Variants in H2AZ1 observed in about 807,000 individuals in gnomAD.
H2AZ1 encodes the protein H2A.Z variant histone 1, also known as histone H2A.Z.
In H2AZ1, 3 loss-of-function variants were observed where a neutral mutation model predicts 16.6. The ratio of observed to expected loss-of-function variants is 0.18; its 90% CI spans 0.08 to 0.47. H2AZ1 has a LOEUF of 0.47. Ranked by LOEUF, H2AZ1 falls within the 20% of genes least tolerant of loss-of-function variation. H2AZ1 has a pLI of 0.98. For missense variants in H2AZ1, 27 were observed against 163.6 expected (o/e 0.17, Z 4.55); for synonymous variants, 78 against 60.7 (o/e 1.28, Z -1.32).
intron 4 of H2AZ1, 106 bp downstream of exon 4, chr4:99,948,705 A>C: frequency 6.8e-7 from 1 of 1,477,444 alleles, no homozygotes; most frequent in Admixed American, 2.3e-5. Flanking sequence ...CCATACTTCC[A>C]TCATTGAAAA....
At chr4:99,949,802 C>T (rs1727234496) in intron 1 of H2AZ1, 62 bp from the exon 2 acceptor site, 15 of 1,325,202 alleles carry the variant, frequency 1.1e-5, no homozygotes, top group Admixed American at 4.2e-5. Flanking sequence ...ACCAAGGCGG[C>T]GCGCCCATCC....
At position 99,948,438 on chromosome 4, in the gene H2AZ1, G is replaced by C; in HGVS notation, c.*24C>G. ...GCTGTTAGAGTATTTAGAGTCCTGA[G>C]ATAACAAGGAATCCAGGCATCCTTT... On this transcript the variant is annotated 3_prime_UTR_variant, in exon 5 of 5. Transcript: ENST00000296417. The C allele has an allele frequency of 2.4e-6, 3 of 1,251,076 alleles. No homozygotes were observed. 77.5% of individuals were successfully genotyped at this position (1,251,076 alleles called of 1,614,324 possible).
In H2AZ1 at chr4:99,948,456, C is replaced by T; in HGVS notation, c.*6G>A. The T allele has an allele frequency of 2.8e-6, 4 of 1,445,838 alleles. No homozygotes were observed. Among genetic ancestry groups the T allele is most frequent in the East Asian group, 2.3e-5 (1 of 44,034 alleles). 89.6% of individuals were successfully genotyped at this position (1,445,838 alleles called of 1,614,324 possible). A position where few individuals can be genotyped will look rare whatever the true frequency, so the allele number is the denominator to read the frequency against. The stretch of plus-strand genomic sequence containing the variant: ...GTCCTGAGATAACAAGGAATCCAGG[C>T]ATCCTTTAGACAGTCTTCTGTTGTC... On this transcript the variant is annotated 3_prime_UTR_variant, in exon 5 of 5. Transcript: ENST00000296417.
chr4:99,949,948 G>A (rs1727239892), intron 1 of H2AZ1: 1 of 216,380 alleles, frequency 4.6e-6, no homozygotes, highest in Non-Finnish European at 8.1e-6. Context: ...TCCGCCCGCC[G>A]GCCCCCAGCG....
rs1727207099 is a variant in H2AZ1 at position 99,949,068 on chromosome 4, T to C, written c.196-128A>G. 4.1e-6 allele frequency: 3 copies of C among 723,562 alleles called. No individual in the cohort carries two copies. The Admixed American group carries it at 6.9e-5, about 17-fold the overall frequency. 44.8% of individuals were successfully genotyped at this position (723,562 alleles called of 1,614,324 possible). A position where few individuals can be genotyped will look rare whatever the true frequency, so the allele number is the denominator to read the frequency against. ...TCCTCACTATCTGACTGGCAAGATA[T>C]ACAGGGGGCACGCAATTTTAATTCC... On this transcript the variant is annotated intron_variant, in intron 3 of 4. Transcript: ENST00000296417.
At chr4:99,949,769 G>C (rs374372807) in intron 1 of H2AZ1, 29 bp from the exon 2 acceptor site, 1 of 1,566,428 alleles carries the variant, frequency 6.4e-7, no homozygotes, top group Non-Finnish European at 8.7e-7. Flanking sequence ...CGCGAGCGGA[G>C]GAGGAACGGA....
At position 99,950,269 on chromosome 4, in the gene H2AZ1, A is replaced by G; in HGVS notation, c.-99T>C. 8.7e-7 allele frequency: 1 copy of G among 1,145,908 alleles called. No homozygotes were observed. Among genetic ancestry groups the G allele is most frequent in the Non-Finnish European group, 1.3e-6 (1 of 774,546 alleles). 71.0% of individuals were successfully genotyped at this position (1,145,908 alleles called of 1,614,324 possible). Reference sequence around the variant, plus strand: ...CTACTCCTTCGTCGCACCGCGATTCAAACTGCGCTGTCTCCCGCCTTCCCT... The same window carrying G: ...CTACTCCTTCGTCGCACCGCGATTCGAACTGCGCTGTCTCCCGCCTTCCCT... On this transcript the variant is annotated 5_prime_UTR_variant, in exon 1 of 5. Coordinates refer to ENST00000296417, the MANE Select transcript of H2AZ1 (RefSeq NM_002106.4).
At position 99,950,218 on chromosome 4, in the gene H2AZ1, T is replaced by A. The variant is rs1297595979; in HGVS notation, c.-48A>T. The A allele has an allele frequency of 6.3e-7, 1 of 1,595,568 alleles. No homozygotes were observed. Among genetic ancestry groups the A allele is most frequent in the East Asian group, 2.2e-5 (1 of 44,734 alleles). ...GCAAGCAAGGCAGAGAAAAGGCTAATCGGACCCACGGTGAGATCCCACCAC... is the reference window on the plus strand; with the variant it reads ...GCAAGCAAGGCAGAGAAAAGGCTAAACGGACCCACGGTGAGATCCCACCAC... On this transcript the variant is annotated 5_prime_UTR_variant, in exon 1 of 5. Transcript: ENST00000296417.
At chr4:99,949,771 A>C (rs778972041) in intron 1 of H2AZ1, 31 bp from the exon 2 acceptor site, 2 of 1,562,868 alleles carry the variant, frequency 1.3e-6, no homozygotes, top group Non-Finnish European at 1.7e-6. Flanking sequence ...CGAGCGGAGG[A>C]GGAACGGAGA....
chr4:99,949,484 A>G (rs1727224534), intron 2 of H2AZ1, 98 bp from the exon 3 acceptor site: 1 of 987,088 alleles, frequency 1.0e-6, no homozygotes. Flanking sequence ...GGGCGCAGCA[A>G]CGCGTCCCGA....
At chr4:99,948,619 T>C in intron 4 of H2AZ1, 96 bp from the exon 5 acceptor site, 2 of 1,538,820 alleles carry the variant, frequency 1.3e-6, no homozygotes, top group South Asian at 1.2e-5. Flanking sequence ...TTGAAAGGTA[T>C]CTTTAAAAAC....
At chr4:99,949,990 C>T (rs1489374291) in intron 1 of H2AZ1, 178 bp downstream of exon 1, 1 of 427,224 alleles carries the variant, frequency 2.3e-6, no homozygotes, top group Non-Finnish European at 3.9e-6. Context: ...CGTCGCCGCC[C>T]GCCGCGAGAT....
chr4:99,949,100 A>T (rs1727208276), intron 3 of H2AZ1, 160 bp from the exon 4 acceptor site: 1 of 675,502 alleles, frequency 1.5e-6, no homozygotes, highest in Admixed American at 2.6e-5. Context: ...TTCCAAGAGC[A>T]GAGAACTCAA....
chr4:99,948,317 CTAAT>C lies in H2AZ1; in HGVS notation c.*141_*144del. 2 of 731,888 alleles carry C rather than the reference CTAAT, an allele frequency of 2.7e-6. No homozygotes were observed. Among genetic ancestry groups the C allele is most frequent in the East Asian group, 2.5e-5 (1 of 39,524 alleles). 45.3% of individuals were successfully genotyped at this position (731,888 alleles called of 1,614,324 possible). A position where few individuals can be genotyped will look rare whatever the true frequency, so the allele number is the denominator to read the frequency against. ...TGCAGAAATTTGGTTGGTTGGAAAG[CTAAT>C]TAAACTTCCAACTTGCTCAAATAGA... On this transcript the variant is annotated 3_prime_UTR_variant, in exon 5 of 5. Coordinates refer to ENST00000296417, the MANE Select transcript of H2AZ1 (RefSeq NM_002106.4).
intron 1 of H2AZ1, 88 bp from the exon 2 acceptor site, chr4:99,949,828 C>T: frequency 9.2e-7 from 1 of 1,088,168 alleles, no homozygotes; most frequent in Admixed American, 2.5e-5. Context: ...CGCGGCGCGT[C>T]CCGCCGCGAG....
chr4:99,949,409 A>C (rs1486610126), intron 2 of H2AZ1, 23 bp from the exon 3 acceptor site: 10 of 1,386,754 alleles, frequency 7.2e-6, no homozygotes, highest in Non-Finnish European at 1.0e-5. Context: ...GCATACACAA[A>C]CATAAATGCA....
chr4:99,948,533 T>G lies in H2AZ1; in HGVS notation c.326-10A>C, dbSNP rs780135101. ...ATGTGTGGAATGACACCTAGGAGAG[T>G]GACAGGAATTAATTCTACTTAAGAT... is the stretch of plus-strand genomic sequence containing the variant. On this transcript the variant is annotated splice_polypyrimidine_tract_variant and intron_variant, in intron 4 of 4. Transcript: ENST00000296417. 3 of 1,610,884 alleles carry G rather than the reference T, an allele frequency of 1.9e-6. No individual in the cohort carries two copies. Among genetic ancestry groups the G allele is most frequent in the Admixed American group, 3.3e-5 (2 of 59,808 alleles).
At chr4:99,949,477 C>G (rs748794878) in intron 2 of H2AZ1, 91 bp from the exon 3 acceptor site, 15 of 998,266 alleles carry the variant, frequency 1.5e-5, no homozygotes, top group Non-Finnish European at 2.1e-5. Flanking sequence ...GGGGCACGGG[C>G]GCAGCAACGC....
At position 99,948,435 on chromosome 4, in the gene H2AZ1, T is replaced by G. The variant is rs368187649; in HGVS notation, c.*27A>C. ...ACAGCTGTTAGAGTATTTAGAGTCC[T>G]GAGATAACAAGGAATCCAGGCATCC... On this transcript the variant is annotated 3_prime_UTR_variant, in exon 5 of 5. Coordinates refer to ENST00000296417, the MANE Select transcript of H2AZ1 (RefSeq NM_002106.4). The G allele has an allele frequency of 1.5e-5, 18 of 1,225,460 alleles. No homozygotes were observed. The African/African-American group carries it at 1.5e-4, about 10-fold the overall frequency. 75.9% of individuals were successfully genotyped at this position (1,225,460 alleles called of 1,614,324 possible).
Sources: gnomAD v4.1 joint callset for allele counts on GRCh38, gnomAD v4.1.1 for gene constraint, MANE v1.5 for transcripts, NCBI Gene and HGNC (gene_info 2026-07-23, HGNC 2026-07-21) for gene names.